The following MAPRE2 variants were observed in gnomAD, a reference collection of about 807,000 sequenced individuals.
MAPRE2 encodes microtubule associated protein RP/EB family member 2, also known as microtubule-associated protein RP/EB family member 2.
In MAPRE2, 13 loss-of-function variants were observed where a neutral mutation model predicts 43.2. That is an observed-to-expected ratio of 0.30 (90% CI 0.20 to 0.48). The LOEUF (loss-of-function observed/expected upper bound fraction) is 0.48. Among genes scored for constraint, MAPRE2 ranks in the 20% least tolerant of loss-of-function variants. The pLI, the probability that MAPRE2 is intolerant of heterozygous loss-of-function variation, is 0.99. For missense variants in MAPRE2, 161 were observed against 400.2 expected (o/e 0.40, Z 5.10); for synonymous variants, 135 against 148.8 (o/e 0.91, Z 0.68).
At chr18:35,017,987 A>G (rs1478698113) in intron 2 of MAPRE2, among the ~76,000 whole-genome samples, 1 of 151,334 alleles carries the variant, frequency 6.6e-6, no homozygotes, top group Admixed American at 6.6e-5. Flanking sequence ...TATTATTATG[A>G]GGTATGTTCC....
At chr18:34,987,303 G>GCTAC (rs1399418757) in intron 1 of MAPRE2, among the ~76,000 whole-genome samples, 7 of 152,150 alleles carry the variant, frequency 4.6e-5, no homozygotes, top group Non-Finnish European at 8.8e-5. Context: ...ATGATGCCTT[G>GCTAC]CTACCTAGAT....
At chr18:35,096,802 TAATACTTAATA>T (rs1476612595) in intron 2 of MAPRE2, among the ~76,000 whole-genome samples, 3 of 104,168 alleles carry the variant, frequency 2.9e-5, no homozygotes, top group African/African-American at 1.2e-4. Context: ...AAGTAATACT[TAATACTTAATA>T]AGTAATACTT....
chr18:34,991,110 A>G (rs536559784), intron 1 of MAPRE2, among the ~76,000 whole-genome samples: 1 of 152,298 alleles, frequency 6.6e-6, no homozygotes, highest in African/African-American at 2.4e-5. Context: ...ACAACTGAAC[A>G]CATCACCCTG....
chr18:35,106,811 A>G (rs1437953731), intron 4 of MAPRE2, among the ~76,000 whole-genome samples: 1 of 152,106 alleles, frequency 6.6e-6, no homozygotes, highest in Non-Finnish European at 1.5e-5. Context: ...GAGGAGTTGC[A>G]TCTTGAATTG....
chr18:34,978,585 C>T (rs1309803590), intron 1 of MAPRE2: 1 of 1,542,852 alleles, frequency 6.5e-7, no homozygotes, highest in Non-Finnish European at 8.8e-7. Flanking sequence ...CTCCTGAACG[C>T]TAAATTTGGC....
intron 2 of MAPRE2, among the ~76,000 whole-genome samples, chr18:35,071,146 A>AATAT (rs988429528): frequency 1.3e-5 from 2 of 152,208 alleles, no homozygotes; most frequent in Admixed American, 6.5e-5. Flanking sequence ...GTCTGCAAGG[A>AATAT]ATATATATTG....
intron 4 of MAPRE2, among the ~76,000 whole-genome samples, chr18:35,115,994 T>C (rs567755349): frequency 3.1e-4 from 47 of 152,326 alleles, no homozygotes; most frequent in African/African-American, 1.1e-3. Flanking sequence ...GTTGAAGCAC[T>C]GTAAGAGATT....
intron 4 of MAPRE2, among the ~76,000 whole-genome samples, chr18:35,116,242 A>G (rs1368134317): frequency 6.6e-6 from 1 of 152,250 alleles, no homozygotes; most frequent in Non-Finnish European, 1.5e-5. Context: ...AGAGCATTCC[A>G]GGCAGAAAGA....
At chr18:35,010,127 C>A (rs1483867671) in intron 2 of MAPRE2, among the ~76,000 whole-genome samples, 1 of 152,122 alleles carries the variant, frequency 6.6e-6, no homozygotes, top group Admixed American at 6.6e-5. Context: ...TAGGTCACGC[C>A]TGTAATCCCA....
chr18:35,103,057 G>T (rs1396816690), intron 4 of MAPRE2, among the ~76,000 whole-genome samples: 5 of 152,136 alleles, frequency 3.3e-5, no homozygotes, highest in Middle Eastern at 3.2e-3. Context: ...TCACAGTTTT[G>T]CTTACTGTTA....
rs549687257 is a variant in MAPRE2, at chr18:35,035,971, C to A, written c.-8+30418C>A. ...CATCACATTAAGACCTATATATTCC[C>A]TTATTCAACAAATACTTAGTGAACA... On this transcript the variant is annotated intron_variant, in intron 2 of 7. Coordinates refer to the MAPRE2 transcript ENST00000413393. Among the ~76,000 whole-genome samples, 15 of 147,860 alleles carry A rather than the reference C, an allele frequency of 1.0e-4. No individual in the cohort carries two copies. In the South Asian group the frequency reaches 3.5e-3, roughly 34 times the overall value.
chr18:35,000,021 G>T (rs1283311367), intron 1 of MAPRE2, among the ~76,000 whole-genome samples: 1 of 152,040 alleles, frequency 6.6e-6, no homozygotes, highest in Non-Finnish European at 1.5e-5. Flanking sequence ...TTAATGGCCT[G>T]TGACCTTCTG....
chr18:35,074,166 T>C (rs1016534291), intron 2 of MAPRE2, among the ~76,000 whole-genome samples: 3 of 152,230 alleles, frequency 2.0e-5, no homozygotes, highest in African/African-American at 7.2e-5. Context: ...AAATGAATAA[T>C]TGTAGATTTT....
At chr18:35,056,385 A>G (rs1039584086) in intron 1 of MAPRE2, among the ~76,000 whole-genome samples, 1 of 152,228 alleles carries the variant, frequency 6.6e-6, no homozygotes, top group Non-Finnish European at 1.5e-5. Flanking sequence ...TGAATCAACC[A>G]GTGTGATTGT....
chr18:35,078,810 A>G (rs981754147), intron 2 of MAPRE2, among the ~76,000 whole-genome samples: 1 of 152,182 alleles, frequency 6.6e-6, no homozygotes, highest in Non-Finnish European at 1.5e-5. Flanking sequence ...TAATTCTACT[A>G]ATGACAAGGG....
intron 2 of MAPRE2, among the ~76,000 whole-genome samples, chr18:35,031,351 C>T (rs1346239178): frequency 1.3e-5 from 2 of 152,214 alleles, no homozygotes; most frequent in African/African-American, 4.8e-5. Context: ...CCAGGCCTGA[C>T]TACTTTCTTT....
chr18:35,118,153 A>G (rs941187485), intron 4 of MAPRE2, among the ~76,000 whole-genome samples: 5 of 152,080 alleles, frequency 3.3e-5, no homozygotes, highest in Admixed American at 1.3e-4. Context: ...AGGCTTTGAG[A>G]CCACAAGTCA....
chr18:35,060,150 G>T (rs1376261778), intron 1 of MAPRE2, among the ~76,000 whole-genome samples: 1 of 152,202 alleles, frequency 6.6e-6, no homozygotes, highest in African/African-American at 2.4e-5. Context: ...TGCTCGTTGG[G>T]GGCAGCGTGG....
At chr18:35,103,979 A>G (rs1305243071) in intron 4 of MAPRE2, among the ~76,000 whole-genome samples, 1 of 152,176 alleles carries the variant, frequency 6.6e-6, no homozygotes, top group Non-Finnish European at 1.5e-5. Context: ...CCTATATAGA[A>G]TAAAGAAAAC....
Sources: gnomAD v4.1 joint callset for allele counts (sites outside exome capture counted in the v4.1 genomes callset) on GRCh38, gnomAD v4.1.1 for gene constraint, MANE v1.5 for transcripts, NCBI Gene and HGNC (gene_info 2026-07-23, HGNC 2026-07-21) for gene names.